TANC1: variants seen among roughly 807,000 people sequenced by gnomAD.
TANC1 encodes the protein protein TANC1.
TANC1 carries 77 observed loss-of-function variants against 149.7 expected under a neutral mutation model. The ratio of observed to expected loss-of-function variants is 0.51; its 90% CI spans 0.43 to 0.62. The LOEUF is 0.62. TANC1 is among the 20% of genes least tolerant of loss of function. The pLI is 0.00. For missense variants in TANC1, 1,985 were observed against 2,321.8 expected (o/e 0.85, Z 2.98); for synonymous variants, 854 against 925.0 (o/e 0.92, Z 1.39).
rs146778655 is a variant in TANC1 at position 159,104,981 on chromosome 2, C to CTTTT, written c.259+7175_259+7178dup. ...AACATTTCTGATTGTTGGATATTTG[C>CTTTT]TTTTTTTTTTTTTTTTTTTTTTTTT... On this transcript the variant is annotated intron_variant, in intron 4 of 26. Coordinates refer to ENST00000263635, the MANE Select transcript of TANC1 (RefSeq NM_033394.3). 6.9e-5 allele frequency among the ~76,000 whole-genome samples: 3 copies of CTTTT among 43,386 alleles called. 1 individual carries two copies. The highest frequency in any genetic ancestry group is 2.1e-4 in the African/African-American group (3 of 14,020). 28.5% of individuals were successfully genotyped at this position (43,386 alleles called of 152,430 possible).
chr2:159,180,476 TTGG>T (rs2056362892), intron 14 of TANC1, among the ~76,000 whole-genome samples: 1 of 152,218 alleles, frequency 6.6e-6, no homozygotes, highest in South Asian at 2.1e-4. Flanking sequence ...ATTTTGGGTA[TTGG>T]TGGGCATTGA....
intron 4 of TANC1, among the ~76,000 whole-genome samples, chr2:159,107,950 C>G (rs891595539): frequency 2.6e-5 from 4 of 152,172 alleles, no homozygotes. Flanking sequence ...TTGTCATTCC[C>G]CCTTGGGAGC....
chr2:159,073,788 C>T lies in TANC1; in HGVS notation c.61+7817C>T, dbSNP rs575149510. Among the ~76,000 whole-genome samples, 20 of 152,258 alleles carry T rather than the reference C, an allele frequency of 1.3e-4. 1 individual carries two copies. The highest frequency in any genetic ancestry group is 3.4e-3 in the Middle Eastern group (1 of 294). ...ATTTGCACTTCCTAGAAGGGGAATT[C>T]TAAGGTTTTATTTCTATCCTACAGG... On this transcript the variant is annotated intron_variant, in intron 3 of 26. Coordinates refer to ENST00000263635, the MANE Select transcript of TANC1 (RefSeq NM_033394.3).
chr2:159,152,793 A>T (rs572949173), intron 7 of TANC1, among the ~76,000 whole-genome samples: 1 of 152,318 alleles, frequency 6.6e-6, no homozygotes, highest in African/African-American at 2.4e-5. Flanking sequence ...CCAAACTTTT[A>T]ATAACTGAGA....
intron 16 of TANC1, among the ~76,000 whole-genome samples, chr2:159,190,940 A>G (rs1248354175): frequency 2.0e-5 from 3 of 152,268 alleles, no homozygotes; most frequent in African/African-American, 7.2e-5. Context: ...AAGCAAGCCT[A>G]TATAGATCTG....
chr2:159,132,825 A>C (rs769528921), intron 4 of TANC1, among the ~76,000 whole-genome samples: 1 of 151,720 alleles, frequency 6.6e-6, no homozygotes, highest in Non-Finnish European at 1.5e-5. Context: ...GGTCTGCCCA[A>C]CTCATGAGTC....
At chr2:159,151,924 C>T (rs1270191619) in intron 7 of TANC1, among the ~76,000 whole-genome samples, 3 of 152,172 alleles carry the variant, frequency 2.0e-5, no homozygotes, top group Non-Finnish European at 4.4e-5. Flanking sequence ...GCAACTGTCA[C>T]CACTATCTGA....
chr2:158,980,068 G>A (rs72953173), intron 1 of TANC1, among the ~76,000 whole-genome samples: 37,271 of 152,094 alleles, frequency 0.25, 5,984 homozygotes, highest in Non-Finnish European at 0.37. Flanking sequence ...ATGCATTCTG[G>A]GGGAAACTGA....
At position 159,150,392 on chromosome 2, in the gene TANC1, T is replaced by G; in HGVS notation, c.518T>G (p.Ile173Ser). 1 of 1,614,142 alleles carries G rather than the reference T, an allele frequency of 6.2e-7. No individual in the cohort carries two copies. Among genetic ancestry groups the G allele is most frequent in the Non-Finnish European group, 8.5e-7 (1 of 1,180,016 alleles). Residue 173 changes from isoleucine (I) to serine (S), a missense_variant, in exon 7 of 27, where the codon ATC (isoleucine) becomes AGC (serine). Ile to Ser is a moderately radical substitution (Grantham distance 142, BLOSUM62 -2). Coordinates refer to ENST00000263635, the MANE Select transcript of TANC1 (RefSeq NM_033394.3). ...ETMCTALSQG[I>S]SPCSTLTSST... The stretch of plus-strand genomic sequence containing the variant: ...CAGTGCACAGCTCTGAGTCAAGGCA[T>G]CAGTCCTTGCTCCACACTAACAAGC...
intron 7 of TANC1, among the ~76,000 whole-genome samples, chr2:159,157,524 G>A (rs916187989): frequency 1.3e-5 from 2 of 152,190 alleles, no homozygotes; most frequent in African/African-American, 4.8e-5. Context: ...CAGCCAAGAG[G>A]CCTACAGACT....
intron 5 of TANC1, among the ~76,000 whole-genome samples, chr2:159,147,364 C>G (rs2052250204): frequency 6.6e-6 from 1 of 152,232 alleles, no homozygotes; most frequent in African/African-American, 2.4e-5. Flanking sequence ...CTGTTCCCTC[C>G]CTCCAGCCCA....
chr2:159,033,457 A>G (rs2039941177), intron 2 of TANC1, among the ~76,000 whole-genome samples: 1 of 152,178 alleles, frequency 6.6e-6, no homozygotes, highest in Non-Finnish European at 1.5e-5. Context: ...GTGATTGCCC[A>G]TGGGCTGCGG....
At chr2:159,113,618 C>A (rs770323019) in intron 4 of TANC1, among the ~76,000 whole-genome samples, 1 of 152,208 alleles carries the variant, frequency 6.6e-6, no homozygotes, top group African/African-American at 2.4e-5. Context: ...ATTGTCCTCT[C>A]TCCTGTATCA....
At chr2:159,127,833 C>T (rs2049627474) in intron 4 of TANC1, among the ~76,000 whole-genome samples, 1 of 152,204 alleles carries the variant, frequency 6.6e-6, no homozygotes, top group Non-Finnish European at 1.5e-5. Flanking sequence ...AACAGACCTG[C>T]ACATTTTGCA....
chr2:159,086,081 G>T (rs62171073), intron 3 of TANC1, among the ~76,000 whole-genome samples: 16 of 152,098 alleles, frequency 1.1e-4, no homozygotes, highest in Non-Finnish European at 2.2e-4. Flanking sequence ...CAGCTCCGGG[G>T]GCACTATTAA....
At chr2:159,159,983 C>A (rs1202446867) in intron 7 of TANC1, among the ~76,000 whole-genome samples, 1 of 151,912 alleles carries the variant, frequency 6.6e-6, no homozygotes, top group Non-Finnish European at 1.5e-5. Context: ...TAGTGAAATC[C>A]CATATTATTC....
intron 1 of TANC1, among the ~76,000 whole-genome samples, chr2:158,994,977 G>C (rs1277833259): frequency 6.6e-6 from 1 of 152,184 alleles, no homozygotes; most frequent in Non-Finnish European, 1.5e-5. Context: ...GGAAGGCTTC[G>C]AGCTGGACAG....
intron 2 of TANC1, among the ~76,000 whole-genome samples, chr2:159,018,582 CA>C: frequency 6.6e-6 from 1 of 152,194 alleles, no homozygotes; most frequent in East Asian, 1.9e-4. Context: ...CCATTACCAC[CA>C]TCCATCTCCA....
intron 2 of TANC1, among the ~76,000 whole-genome samples, chr2:159,025,158 C>G (rs191642033): frequency 7.0e-6 from 1 of 143,678 alleles, no homozygotes; most frequent in East Asian, 2.1e-4. Context: ...CTTTCTCTTT[C>G]TCTTTTTCTT....
Sources: allele counts gnomAD v4.1 joint callset (sites outside exome capture counted in the v4.1 genomes callset), GRCh38; gene constraint gnomAD v4.1.1; transcripts MANE v1.5; gene names NCBI Gene and HGNC (gene_info 2026-07-23, HGNC 2026-07-21).